Variants in RAD51B observed in about 807,000 individuals in gnomAD.
RAD51B encodes RAD51 paralog B.
Under a neutral mutation model 42.2 loss-of-function variants are expected in RAD51B, and 38 were observed. That is an observed-to-expected ratio of 0.90 (90% confidence interval 0.70 to 1.18). The LOEUF (loss-of-function observed/expected upper bound fraction) is 1.18, where lower values mean the gene tolerates loss of function less well. RAD51B is among the 50% of genes most tolerant of loss of function. The pLI is 0.00. For synonymous variants in RAD51B, 154 were observed against 145.2 expected (o/e 1.06, Z -0.43); for missense variants, 373 against 400.7 (o/e 0.93, Z 0.59).
At chr14:68,148,684 G>T (rs1430590917) in intron 7 of RAD51B, among the ~76,000 whole-genome samples, 1 of 152,210 alleles carries the variant, frequency 6.6e-6, no homozygotes, top group Non-Finnish European at 1.5e-5. Flanking sequence ...TGCAGTAACA[G>T]TAAGCCCCAA....
intron 7 of RAD51B, among the ~76,000 whole-genome samples, chr14:68,108,379 A>G (rs977935143): frequency 3.9e-5 from 6 of 152,048 alleles, no homozygotes; most frequent in African/African-American, 1.4e-4. Context: ...ATGTCTCTCA[A>G]CTGATGAATG....
rs548634399 is a variant in RAD51B at position 68,159,808 on chromosome 14, T to C, written c.757-132076T>C. Among the ~76,000 whole-genome samples the C allele has an allele frequency of 2.6e-5, 4 of 152,350 alleles. No homozygotes were observed. In the South Asian group the frequency reaches 8.3e-4, roughly 32 times the overall value. On this transcript the variant is annotated intron_variant, in intron 7 of 10. Transcript: ENST00000471583. ...ACTCCCGTTCCAGATGTTTGTCATG[T>C]GCTTTGTTGTCAATTTTAGATTTTC...
At chr14:68,681,893 G>C (rs1893439060) in intron 11 of RAD51B, among the ~76,000 whole-genome samples, 1 of 152,166 alleles carries the variant, frequency 6.6e-6, no homozygotes, top group South Asian at 2.1e-4. Flanking sequence ...GGACTTTGGG[G>C]ACTGGGGAGT....
At chr14:67,894,446 C>T (rs1214873129) in intron 7 of RAD51B, among the ~76,000 whole-genome samples, 2 of 152,142 alleles carry the variant, frequency 1.3e-5, no homozygotes, top group Non-Finnish European at 2.9e-5. Flanking sequence ...TTCGATTCCA[C>T]CTACAGCACT....
At chr14:68,162,447 A>G (rs755636425) in intron 7 of RAD51B, among the ~76,000 whole-genome samples, 13 of 152,214 alleles carry the variant, frequency 8.5e-5, no homozygotes, top group African/African-American at 2.7e-4. Flanking sequence ...AAGCCTTTTA[A>G]TATTTCATAT....
intron 8 of RAD51B, among the ~76,000 whole-genome samples, chr14:68,397,827 G>A (rs1388094828): frequency 1.3e-5 from 2 of 152,146 alleles, no homozygotes; most frequent in Non-Finnish European, 2.9e-5. Context: ...AAAAACGTTC[G>A]GGTTCTGGTC....
intron 4 of RAD51B, among the ~76,000 whole-genome samples, chr14:67,845,487 A>G (rs998554033): frequency 1.4e-4 from 22 of 151,858 alleles, no homozygotes; most frequent in African/African-American, 5.3e-4. Flanking sequence ...GGGCAATATG[A>G]TGAAACCCTG....
intron 7 of RAD51B, among the ~76,000 whole-genome samples, chr14:67,972,608 C>T (rs1217512181): frequency 1.3e-5 from 2 of 152,046 alleles, no homozygotes; most frequent in East Asian, 3.8e-4. Context: ...TCTATGTAAT[C>T]AATATCAAAA....
At chr14:68,014,199 CTTTT>C (rs35420035) in intron 7 of RAD51B, among the ~76,000 whole-genome samples, 2 of 138,326 alleles carry the variant, frequency 1.4e-5, no homozygotes, top group African/African-American at 2.6e-5. Context: ...TCTTTTCTTT[CTTTT>C]TTTTTTTTTT....
At chr14:68,313,888 C>T (rs191582808) in intron 8 of RAD51B, among the ~76,000 whole-genome samples, 3 of 151,642 alleles carry the variant, frequency 2.0e-5, no homozygotes, top group East Asian at 3.9e-4. Context: ...TGCCTAGCTT[C>T]CTCCTTTTTC....
chr14:68,042,294 TG>T (rs1313896648), intron 7 of RAD51B, among the ~76,000 whole-genome samples: 1 of 152,246 alleles, frequency 6.6e-6, no homozygotes, highest in Non-Finnish European at 1.5e-5. Context: ...TCTTGCTCAC[TG>T]GTGGCCAGAT....
chr14:68,318,232 T>A (rs751824301), intron 8 of RAD51B, among the ~76,000 whole-genome samples: 6 of 152,230 alleles, frequency 3.9e-5, no homozygotes, highest in Admixed American at 2.0e-4. Flanking sequence ...TTTGTCCAGT[T>A]CAACCTGGCC....
intron 10 of RAD51B, among the ~76,000 whole-genome samples, chr14:68,645,941 A>C (rs776661730): frequency 1.3e-5 from 2 of 152,222 alleles, no homozygotes; most frequent in African/African-American, 2.4e-5. Flanking sequence ...GTCCAGTTAA[A>C]TTTAGATTTC....
chr14:68,079,544 A>G (rs1394353354), intron 7 of RAD51B, among the ~76,000 whole-genome samples: 2 of 152,318 alleles, frequency 1.3e-5, no homozygotes, highest in East Asian at 1.9e-4. Context: ...TAGTTGTAGT[A>G]TATAATATTA....
intron 7 of RAD51B, among the ~76,000 whole-genome samples, chr14:68,116,686 A>G (rs1441953957): frequency 6.6e-6 from 1 of 152,186 alleles, no homozygotes; most frequent in Non-Finnish European, 1.5e-5. Flanking sequence ...AATGAATGTG[A>G]TTAGCTATAT....
downstream of RAD51B, among the ~76,000 whole-genome samples, chr14:68,615,667 T>C (rs1891811566): frequency 6.6e-6 from 1 of 152,222 alleles, no homozygotes; most frequent in African/African-American, 2.4e-5. Context: ...TTTGTCACTA[T>C]GAAATTGTCT....
At chr14:67,920,885 G>C (rs1185592409) in intron 7 of RAD51B, among the ~76,000 whole-genome samples, 1 of 152,134 alleles carries the variant, frequency 6.6e-6, no homozygotes, top group African/African-American at 2.4e-5. Flanking sequence ...AAAGAGAGAA[G>C]GCTATCTTAA....
chr14:67,868,272 G>T (rs1209656334), intron 5 of RAD51B, among the ~76,000 whole-genome samples: 1 of 152,224 alleles, frequency 6.6e-6, no homozygotes, highest in Admixed American at 6.5e-5. Flanking sequence ...GCCTCACTCG[G>T]GAAGCGCAAG....
intron 7 of RAD51B, among the ~76,000 whole-genome samples, chr14:68,071,293 C>T (rs1445272048): frequency 1.3e-5 from 2 of 152,110 alleles, no homozygotes; most frequent in Non-Finnish European, 2.9e-5. Context: ...CTAGGACTCC[C>T]TGTAGTGTAC....
Sources: gnomAD v4.1 joint callset for allele counts (sites outside exome capture counted in the v4.1 genomes callset) on GRCh38, gnomAD v4.1.1 for gene constraint, MANE v1.5 for transcripts, NCBI Gene and HGNC (gene_info 2026-07-23, HGNC 2026-07-21) for gene names.